Variants in NGFR observed in about 807,000 individuals in gnomAD.
NGFR encodes the protein tumor necrosis factor receptor superfamily member 16.
In NGFR, 30 loss-of-function variants were observed where a neutral mutation model predicts 43.2. That is an observed-to-expected ratio of 0.69 (90% CI 0.52 to 0.94). The LOEUF (loss-of-function observed/expected upper bound fraction) is 0.94, where lower values mean the gene tolerates loss of function less well. Ranked by LOEUF, NGFR falls within the 40% of genes least tolerant of loss-of-function variation. NGFR has a pLI of 0.00. For synonymous variants in NGFR, 246 were observed against 259.6 expected, an observed-to-expected ratio of 0.95 and a Z score of 0.50; for missense variants, 529 against 602.5, an observed-to-expected ratio of 0.88 and a Z score of 1.28.
At chr17:49,510,363 G>A (rs376660558) in intron 3 of NGFR, 49 bp from the exon 4 acceptor site, 12 of 1,602,946 alleles carry the variant, frequency 7.5e-6, no homozygotes, top group South Asian at 6.6e-5. Flanking sequence ...AGAGCTAAAA[G>A]GGAGGAGTGG....
intron 1 of NGFR, 64 bp from the exon 2 acceptor site, chr17:49,501,999 A>ATGGGGGCCCCCCCCCCCCC: frequency 6.0e-6 from 2 of 330,982 alleles, no homozygotes; most frequent in Non-Finnish European, 1.2e-5. Context: ...TCCCCGGAAG[A>ATGGGGGCCCCCCCCCCCCC]ACCCCCCCCA....
At chr17:49,502,913 T>C (rs191100232) in intron 2 of NGFR, among the ~76,000 whole-genome samples, 217 of 142,804 alleles carry the variant, frequency 1.5e-3, no homozygotes, top group Non-Finnish European at 1.3e-3. Flanking sequence ...TTCTTTCCTT[T>C]CCTTCCTTCC....
chr17:49,504,900 T>C (rs1000066714), intron 2 of NGFR, among the ~76,000 whole-genome samples: 5 of 151,256 alleles, frequency 3.3e-5, no homozygotes, highest in African/African-American at 1.2e-4. Flanking sequence ...GCTTCCCGAG[T>C]AGCTGGGATT....
chr17:49,502,000 A>ACGCCCCCCCCCCCCC, intron 1 of NGFR, 63 bp from the exon 2 acceptor site: 1 of 264,886 alleles, frequency 3.8e-6, no homozygotes, highest in Non-Finnish European at 7.9e-6. Flanking sequence ...CCCCGGAAGA[A>ACGCCCCCCCCCCCCC]CCCCCCCCAA....
rs1016121518 is a variant in NGFR, at chr17:49,495,533, C to T, written c.66+50C>T. 1.3e-5 allele frequency: 16 copies of T among 1,209,596 alleles called. No homozygotes were observed. Among genetic ancestry groups the T allele is most frequent in the African/African-American group, 1.6e-5 (1 of 64,034 alleles). 74.9% of individuals were successfully genotyped at this position (1,209,596 alleles called of 1,614,324 possible). On this transcript the variant is annotated intron_variant, in intron 1 of 5. Transcript: ENST00000172229. The surrounding 1 kb of genome is among the most constrained non-coding windows in gnomAD (Gnocchi z 6.4). ...GCTCCCTTTCCCGGGATCAGAACTC[C>T]GAGAAGAGCCGGGCGCCGCCACCAA...
At position 49,506,671 on chromosome 17, in the gene NGFR, C is replaced by CGGGGGGTGGGG; in HGVS notation, c.568+19_568+20insTGGGGGGGGGG. ...GCCGAGTGCGAGGGTGAGTGCGGTT[C>CGGGGGGTGGGG]GGGGGGCGGGGGGAGTGGGGGTGCG... On this transcript the variant is annotated intron_variant, in intron 3 of 5. Coordinates refer to ENST00000172229, the MANE Select transcript of NGFR (RefSeq NM_002507.4). The CGGGGGGTGGGG allele has an allele frequency of 8.6e-6, 1 of 116,718 alleles. No homozygotes were observed. The highest frequency in any genetic ancestry group is 1.0e-5 in the Non-Finnish European group (1 of 95,882). 7.2% of individuals were successfully genotyped at this position (116,718 alleles called of 1,614,324 possible). A position where few individuals can be genotyped will look rare whatever the true frequency, so the allele number is the denominator to read the frequency against.
intron 2 of NGFR, among the ~76,000 whole-genome samples, chr17:49,505,220 A>G (rs1053990699): frequency 6.6e-6 from 1 of 151,426 alleles, no homozygotes; most frequent in African/African-American, 2.4e-5. Context: ...TACAGGCCTC[A>G]GTTTCCCCCT....
rs764446366 is a variant in NGFR at position 49,512,045 on chromosome 17, G to A, written c.975G>A (p.Ser325=). The A allele has an allele frequency of 4.8e-5, 77 of 1,613,008 alleles. No individual in the cohort carries two copies. The highest frequency in any genetic ancestry group is 6.7e-5 in the African/African-American group (5 of 74,936). The change falls in exon 5 of 6, where the codon TCG becomes TCA. Residue 325 remains serine, a synonymous_variant. Coordinates refer to ENST00000172229, the MANE Select transcript of NGFR (RefSeq NM_002507.4). This position sits in a 1 kb window ranked among gnomAD's most constrained non-coding sequence, Gnocchi z 5.2. ...HDQQPHTQTA[S]GQALKGDGGL... is the part of the protein sequence containing the mutation. Reference sequence around the variant, plus strand: ...AGCAGCCCCACACGCAGACAGCCTCGGGCCAGGGTGAGCAGCGGCCCGCTG... The same window carrying A: ...AGCAGCCCCACACGCAGACAGCCTCAGGCCAGGGTGAGCAGCGGCCCGCTG...
chr17:49,503,555 T>TC (rs1303802745), intron 2 of NGFR, among the ~76,000 whole-genome samples: 3 of 152,094 alleles, frequency 2.0e-5, no homozygotes, highest in Non-Finnish European at 2.9e-5. Context: ...CCTCTGGATG[T>TC]CCCCCCTGAG....
rs1597863848 is a variant in NGFR at position 49,510,448 on chromosome 17, C to G, written c.605C>G (p.Pro202Arg). The change falls in exon 4 of 6, where the codon CCA (proline) becomes CGA (arginine). Residue 202 changes from proline (P) to arginine (R), a missense_variant. By Grantham distance (103) the Pro-to-Arg change is moderately radical (BLOSUM62 -2). Transcript: ENST00000172229. ...PGRWITRSTP[P>R]EGSDSTAPST... ...CGTTGGATTACACGGTCCACACCCC[C>G]AGAGGGCTCGGACAGCACAGCCCCC... 2 of 1,614,042 alleles carry G rather than the reference C, an allele frequency of 1.2e-6. No homozygotes were observed. Among genetic ancestry groups the G allele is most frequent in the Non-Finnish European group, 1.7e-6 (2 of 1,179,982 alleles).
intron 4 of NGFR, 136 bp downstream of exon 4, chr17:49,510,800 C>T (rs776812357): frequency 9.8e-6 from 11 of 1,120,738 alleles, no homozygotes; most frequent in East Asian, 2.4e-5. Flanking sequence ...CATCATCTGC[C>T]GCCCCACTCC....
rs183702860 is a variant in NGFR at position 49,510,865 on chromosome 17, G to A, written c.821+201G>A. On this transcript the variant is annotated intron_variant, in intron 4 of 5. Transcript: ENST00000172229. ...GGAGAGGATCCACCTGTCCTGTCCT[G>A]TCCTCTCCTGCCCTGTCCTGGCTCC... 2,469 of 623,098 alleles carry A rather than the reference G, an allele frequency of 4.0e-3. 19 individuals carry two copies. Among genetic ancestry groups the A allele is most frequent in the South Asian group, 0.016 (831 of 51,744 alleles). 38.6% of individuals were successfully genotyped at this position (623,098 alleles called of 1,614,324 possible). A position where few individuals can be genotyped will look rare whatever the true frequency, so the allele number is the denominator to read the frequency against.
In NGFR at chr17:49,506,399, C is replaced by G; in HGVS notation, c.309C>G (p.Asp103Glu). 2 of 1,602,968 alleles carry G rather than the reference C, an allele frequency of 1.2e-6. No individual in the cohort carries two copies. Among genetic ancestry groups the G allele is most frequent in the East Asian group, 2.2e-5 (1 of 44,706 alleles). Residue 103 changes from aspartate to glutamate, a missense_variant, in exon 3 of 6, where the codon GAC becomes GAG. Asp to Glu is a conservative substitution (Grantham distance 45). Coordinates refer to ENST00000172229, the MANE Select transcript of NGFR (RefSeq NM_002507.4). ...TGTCGGCGCCGTGCGTGGAGGCCGA[C>G]GACGCCGTGTGCCGCTGCGCCTACG... ...QSMSAPCVEA[D>E]DAVCRCAYGY...
At chr17:49,498,636 A>C (rs1355455684) in intron 1 of NGFR, among the ~76,000 whole-genome samples, 1 of 152,254 alleles carries the variant, frequency 6.6e-6, no homozygotes, top group Non-Finnish European at 1.5e-5. Flanking sequence ...AATTCTTAAA[A>C]GTCAATTCAT....
Position 49,512,883 on chromosome 17 carries a change from G to A in NGFR, c.1158G>A (p.Leu386=). Residue 386 remains leucine, a synonymous_variant, in exon 6 of 6, where the codon CTG becomes CTA. Transcript: ENST00000172229. This position sits in a 1 kb window ranked among gnomAD's most constrained non-coding sequence, Gnocchi z 5.2. ...ATGAGGCCTGCCCCGTTCGCGCCCT[G>A]CTTGCAAGCTGGGCCACCCAGGACA... ...FTHEACPVRA[L]LASWATQDSA... 1 of 1,613,074 alleles carries A rather than the reference G, an allele frequency of 6.2e-7. No homozygotes were observed. The highest frequency in any genetic ancestry group is 8.5e-7 in the Non-Finnish European group (1 of 1,179,822).
chr17:49,505,135 C>T (rs2071189477), intron 2 of NGFR, among the ~76,000 whole-genome samples: 1 of 151,988 alleles, frequency 6.6e-6, no homozygotes, highest in African/African-American at 2.4e-5. Context: ...CCTCATCCCC[C>T]CACCACACCC....
intron 2 of NGFR, among the ~76,000 whole-genome samples, chr17:49,504,755 T>TTCTTTTCTTTG (rs2071186119): frequency 1.8e-5 from 2 of 109,336 alleles, no homozygotes; most frequent in African/African-American, 7.2e-5. Context: ...TCTACCCTTT[T>TTCTTTTCTTTG]TCTTTCTTTC....
intron 2 of NGFR, among the ~76,000 whole-genome samples, chr17:49,504,202 T>C (rs978570910): frequency 1.3e-5 from 2 of 152,212 alleles, no homozygotes; most frequent in African/African-American, 4.8e-5. Context: ...ACCACATTTT[T>C]CACACCACCT....
Position 49,495,309 on chromosome 17 carries a change from C to G in NGFR, c.-109C>G. ...CCCGCAGCCAGAGCGAGCCGAGCCG[C>G]GGCCAGCTCCGGCGGGCAGGGGGGG... On this transcript the variant is annotated 5_prime_UTR_variant, in exon 1 of 6. Coordinates refer to ENST00000172229, the MANE Select transcript of NGFR (RefSeq NM_002507.4). This position sits in a 1 kb window ranked among gnomAD's most constrained non-coding sequence, Gnocchi z 6.4. 3 of 923,140 alleles carry G rather than the reference C, an allele frequency of 3.2e-6. No homozygotes were observed. The highest frequency in any genetic ancestry group is 4.2e-6 in the Non-Finnish European group (3 of 708,298). The allele number at this position is 923,140 out of a possible 1,614,324, so 57.2% of individuals were successfully genotyped here.
Sources: allele counts gnomAD v4.1 joint callset (sites outside exome capture counted in the v4.1 genomes callset), GRCh38; gene constraint gnomAD v4.1.1; non-coding constraint Gnocchi (gnomAD v3.1); transcripts MANE v1.5; gene names NCBI Gene and HGNC (gene_info 2026-07-23, HGNC 2026-07-21).